The following BMERB1 variants were observed in gnomAD, a reference collection of about 807,000 sequenced individuals.
The protein encoded by BMERB1 is bMERB domain containing 1.
In BMERB1, 12 loss-of-function variants were observed where a neutral mutation model predicts 23.6. That is an observed-to-expected ratio of 0.51 (90% CI 0.33 to 0.82). The LOEUF (loss-of-function observed/expected upper bound fraction) is 0.82. Among genes scored for constraint, BMERB1 ranks in the 40% least tolerant of loss-of-function variants. The pLI is 0.03. For missense variants in BMERB1, 247 were observed against 255.4 expected, an observed-to-expected ratio of 0.97 and a Z score of 0.22; for synonymous variants, 122 against 96.6, an observed-to-expected ratio of 1.26 and a Z score of -1.54.
intron 2 of BMERB1, among the ~76,000 whole-genome samples, chr16:15,547,115 C>A (rs1413676324): frequency 6.6e-6 from 1 of 150,842 alleles, no homozygotes; most frequent in Admixed American, 6.6e-5. Flanking sequence ...TAGGTTCAAG[C>A]GATTCTCCTG....
At chr16:15,436,333 A>C (rs1257578211) in intron 1 of BMERB1, among the ~76,000 whole-genome samples, 1 of 144,042 alleles carries the variant, frequency 6.9e-6, no homozygotes, top group Non-Finnish European at 1.5e-5. Context: ...ATCTCGGCTC[A>C]CTGCGACCTC....
intron 4 of BMERB1, 99 bp from the exon 5 acceptor site, chr16:15,583,057 A>G (rs2031055362): frequency 2.2e-6 from 2 of 906,700 alleles, no homozygotes; most frequent in African/African-American, 1.6e-5. Context: ...CCCCATCCAC[A>G]AAGCCTGTTG....
chr16:15,521,244 T>C (rs527258207), intron 2 of BMERB1, among the ~76,000 whole-genome samples: 1 of 152,340 alleles, frequency 6.6e-6, no homozygotes, highest in East Asian at 1.9e-4. Context: ...GGTGTTTCAG[T>C]ATCACCATTT....
rs143456558 is a variant in BMERB1 at position 15,586,802 on chromosome 16, C to T, written c.588C>T (p.Cys196=). The change falls in exon 6 of 6, where the codon TGC becomes TGT. Residue 196 remains cysteine (C), a synonymous_variant. Coordinates refer to ENST00000300006, the MANE Select transcript of BMERB1 (RefSeq NM_033201.3). ...GGCTGGCACTGATCAAGGATTGTTGCGGGGCCACCCAGTGCAACATCATGT... is the reference window on the plus strand; with the variant it reads ...GGCTGGCACTGATCAAGGATTGTTGTGGGGCCACCCAGTGCAACATCATGT... ...KTGLALIKDC[C]GATQCNIM 7.9e-4 allele frequency: 1,274 copies of T among 1,609,822 alleles called. 11 individuals carry two copies. In the African/African-American group the frequency reaches 0.014, roughly 18 times the overall value.
intron 1 of BMERB1, among the ~76,000 whole-genome samples, chr16:15,465,076 C>T (rs1201098101): frequency 6.6e-6 from 1 of 152,036 alleles, no homozygotes; most frequent in African/African-American, 2.4e-5. Context: ...GGTTGGTTAC[C>T]TGAATCTGTA....
intron 2 of BMERB1, among the ~76,000 whole-genome samples, chr16:15,555,500 A>G (rs1282758894): frequency 6.6e-6 from 1 of 152,202 alleles, no homozygotes; most frequent in African/African-American, 2.4e-5. Flanking sequence ...GAGGAAGTTG[A>G]CATTTGGGAA....
chr16:15,541,973 TGAGCTCAAG>T (rs1468422979), intron 2 of BMERB1, among the ~76,000 whole-genome samples: 1 of 149,504 alleles, frequency 6.7e-6, no homozygotes, highest in Non-Finnish European at 1.5e-5. Flanking sequence ...CTCAAACTCC[TGAGCTCAAG>T]TGATCCTCCT....
intron 2 of BMERB1, among the ~76,000 whole-genome samples, chr16:15,547,083 G>C (rs2029941468): frequency 6.7e-6 from 1 of 148,680 alleles, no homozygotes; most frequent in Non-Finnish European, 1.5e-5. Flanking sequence ...TGCGATCTCT[G>C]CTCACTACAA....
rs2051027539 is a variant in BMERB1, at chr16:15,449,927, T to C, written c.106+15168T>C. Among the ~76,000 whole-genome samples, 6 of 152,068 alleles carry C rather than the reference T, an allele frequency of 3.9e-5. No homozygotes were observed. In the South Asian group the frequency reaches 1.2e-3, roughly 32 times the overall value. On this transcript the variant is annotated intron_variant, in intron 1 of 5. Coordinates refer to ENST00000300006, the MANE Select transcript of BMERB1 (RefSeq NM_033201.3). ...TTTTGTTTTCTTTAAAATTTTTTTT[T>C]TTTTGGTAGAGATGGGGTCTCACTA...
At chr16:15,520,156 A>G (rs549118156) in intron 2 of BMERB1, among the ~76,000 whole-genome samples, 51 of 152,182 alleles carry the variant, frequency 3.4e-4, no homozygotes, top group African/African-American at 1.2e-3. Context: ...GGAGAGGCAA[A>G]GTGACTTGTT....
At chr16:15,565,882 G>A (rs766813049) in intron 2 of BMERB1, among the ~76,000 whole-genome samples, 3 of 152,140 alleles carry the variant, frequency 2.0e-5, no homozygotes, top group Non-Finnish European at 2.9e-5. Flanking sequence ...ACAAAGACAC[G>A]CAGAGTGAAT....
At chr16:15,453,792 T>G (rs1385838988) in intron 1 of BMERB1, among the ~76,000 whole-genome samples, 1 of 152,108 alleles carries the variant, frequency 6.6e-6, no homozygotes, top group Admixed American at 6.6e-5. Flanking sequence ...AAGAATCACT[T>G]GAACCTGGGA....
intron 1 of BMERB1, among the ~76,000 whole-genome samples, chr16:15,475,164 C>G (rs115849192): frequency 0.015 from 2,220 of 152,202 alleles, 61 homozygotes; most frequent in African/African-American, 0.052. Context: ...TTCCTTACTG[C>G]GCTCTACTGC....
intron 1 of BMERB1, among the ~76,000 whole-genome samples, chr16:15,445,066 A>G (rs755199618): frequency 5.9e-5 from 9 of 151,822 alleles, no homozygotes; most frequent in Non-Finnish European, 1.3e-4. Context: ...AATTTTTACA[A>G]TTTTTTTGTA....
chr16:15,553,559 T>C (rs764357843), intron 2 of BMERB1, among the ~76,000 whole-genome samples: 1 of 152,218 alleles, frequency 6.6e-6, no homozygotes, highest in African/African-American at 2.4e-5. Flanking sequence ...CCACAGACAA[T>C]GCTGAAATGA....
chr16:15,533,751 C>A (rs2051993057), intron 2 of BMERB1, among the ~76,000 whole-genome samples: 1 of 152,132 alleles, frequency 6.6e-6, no homozygotes, highest in Non-Finnish European at 1.5e-5. Flanking sequence ...TCAAGAATAA[C>A]AAGAGAGACA....
chr16:15,465,455 C>T (rs546747216), intron 1 of BMERB1, among the ~76,000 whole-genome samples: 13 of 151,158 alleles, frequency 8.6e-5, no homozygotes, highest in African/African-American at 2.9e-4. Flanking sequence ...TGGGTTCAAG[C>T]GATTCTCATG....
intron 2 of BMERB1, among the ~76,000 whole-genome samples, chr16:15,556,104 G>C (rs2030249478): frequency 6.6e-6 from 1 of 151,984 alleles, no homozygotes; most frequent in African/African-American, 2.4e-5. Flanking sequence ...GCCTGAACCT[G>C]GGAGGTGAGG....
At chr16:15,453,316 G>A (rs1243791723) in intron 1 of BMERB1, among the ~76,000 whole-genome samples, 1 of 152,172 alleles carries the variant, frequency 6.6e-6, no homozygotes, top group Non-Finnish European at 1.5e-5. Flanking sequence ...ATGCTGCAGC[G>A]AGGTAGAGTC....
Sources: allele counts gnomAD v4.1 joint callset (sites outside exome capture counted in the v4.1 genomes callset), GRCh38; gene constraint gnomAD v4.1.1; transcripts MANE v1.5; gene names NCBI Gene and HGNC (gene_info 2026-07-23, HGNC 2026-07-21).